CREBBP: variants seen among roughly 807,000 people sequenced by gnomAD.
CREBBP encodes CREB binding lysine acetyltransferase.
A neutral mutation model predicts 265.0 loss-of-function variants in CREBBP; 19 were observed. The ratio of observed to expected loss-of-function variants is 0.07; its 90% CI spans 0.05 to 0.11. The LOEUF is 0.11. Ranked by LOEUF, CREBBP falls within the 10% of genes least tolerant of loss-of-function variation. CREBBP has a pLI of 1.00. For synonymous variants in CREBBP, 1,457 were observed against 1,223.7 expected (o/e 1.19, Z -3.98); for missense variants, 2,525 against 3,219.0 (o/e 0.78, Z 5.22).
intron 17 of CREBBP, 106 bp from the exon 18 acceptor site, chr16:3,758,154 A>G (rs757687321): frequency 4.2e-6 from 5 of 1,182,278 alleles, no homozygotes; most frequent in Non-Finnish European, 6.0e-6. Context: ...AAGCACCAAA[A>G]TAACTTCCAT....
intron 16 of CREBBP, among the ~76,000 whole-genome samples, chr16:3,761,757 G>A (rs922829866): frequency 2.0e-5 from 3 of 152,218 alleles, no homozygotes; most frequent in African/African-American, 7.2e-5. Context: ...TTCACAGTGG[G>A]AAGCGTCGGA....
chr16:3,854,170 G>A (rs890811122), intron 1 of CREBBP, among the ~76,000 whole-genome samples: 8 of 152,064 alleles, frequency 5.3e-5, no homozygotes, highest in South Asian at 4.2e-4. Flanking sequence ...CCACCACCAC[G>A]ATCACGTTCC....
intron 1 of CREBBP, among the ~76,000 whole-genome samples, chr16:3,855,619 A>G (rs2054945293): frequency 6.6e-6 from 1 of 152,156 alleles, no homozygotes; most frequent in Non-Finnish European, 1.5e-5. Context: ...AGGTCCTTCA[A>G]TTTGGGGTAC....
intron 23 of CREBBP, among the ~76,000 whole-genome samples, chr16:3,744,072 C>T (rs753477730): frequency 1.3e-5 from 2 of 151,546 alleles, no homozygotes; most frequent in Non-Finnish European, 2.9e-5. Flanking sequence ...GAGAATGTCT[C>T]AAATTAAAAA....
chr16:3,835,006 A>G (rs896139182), intron 2 of CREBBP, among the ~76,000 whole-genome samples: 1 of 152,034 alleles, frequency 6.6e-6, no homozygotes, highest in Non-Finnish European at 1.5e-5. Context: ...AAAATACAAA[A>G]AATTGGCCGG....
Position 3,806,254 on chromosome 16 carries a change from C to G in CREBBP, c.975+4349G>C, listed in dbSNP as rs1043490217. Among the ~76,000 whole-genome samples the G allele has an allele frequency of 3.9e-5, 6 of 152,326 alleles. No homozygotes were observed. In the South Asian group the frequency reaches 1.0e-3, roughly 26 times the overall value. ...TCTCCCATCCTCCCGTCTACACAGT[C>G]TTCCAGCCACACCACCCTTCCATTC... is the stretch of plus-strand genomic sequence containing the variant. On this transcript the variant is annotated intron_variant, in intron 3 of 30. Transcript: ENST00000262367.
At chr16:3,817,978 C>T (rs1567336718) in intron 2 of CREBBP, among the ~76,000 whole-genome samples, 1 of 152,220 alleles carries the variant, frequency 6.6e-6, no homozygotes, top group Non-Finnish European at 1.5e-5. Context: ...TTCCTCATCT[C>T]ACACAACCCT....
chr16:3,779,075 G>A (rs1028336703), intron 8 of CREBBP, among the ~76,000 whole-genome samples: 9 of 151,754 alleles, frequency 5.9e-5, no homozygotes, highest in African/African-American at 2.2e-4. Flanking sequence ...GCTGAGGCAA[G>A]AGAATTGCTT....
At position 3,850,624 on chromosome 16, in the gene CREBBP, C is replaced by T. The variant is rs750848595; in HGVS notation, c.471G>A (p.Lys157=). The change falls in exon 2 of 31, where the codon AAG becomes AAA. Residue 157 remains lysine, a synonymous_variant. Coordinates refer to ENST00000262367, the MANE Select transcript of CREBBP (RefSeq NM_004380.3). ...ASQALNPQAQ[K]QVGLATSSPA... ...GGCTGCTAGTCGCCAGCCCCACTTG[C>T]TTTTGTGCTTGCGGATTCAGTGCTT... The T allele has an allele frequency of 2.7e-5, 43 of 1,614,086 alleles. No individual in the cohort carries two copies. In the South Asian group the frequency reaches 4.4e-4, roughly 16 times the overall value.
chr16:3,780,241 C>CAAAAA (rs559038927), intron 8 of CREBBP, among the ~76,000 whole-genome samples: 1 of 53,688 alleles, frequency 1.9e-5, no homozygotes, highest in Non-Finnish European at 4.2e-5. Context: ...GACTCTGTCT[C>CAAAAA]AAAAAAAAAA....
rs1301325477 is a variant in CREBBP, at chr16:3,880,708, T to A, written c.-792A>T. 5 of 138,108 alleles carry A rather than the reference T, an allele frequency of 3.6e-5. No individual in the cohort carries two copies. The highest frequency in any genetic ancestry group is 1.3e-4 in the African/African-American group (5 of 37,858). 8.6% of individuals were successfully genotyped at this position (138,108 alleles called of 1,614,324 possible). ...CGACAAGATGGCGGCTGTTGATTCC[T>A]CAATTAAAAAAAAAAGAAAGTTTTT... On this transcript the variant is annotated 5_prime_UTR_variant, in exon 1 of 31. Coordinates refer to ENST00000262367, the MANE Select transcript of CREBBP (RefSeq NM_004380.3).
intron 1 of CREBBP, 115 bp downstream of exon 1, chr16:3,879,717 C>A: frequency 8.9e-7 from 1 of 1,121,618 alleles, no homozygotes. Context: ...GGCTGCGGGG[C>A]CTGCTCCGAG....
intron 2 of CREBBP, among the ~76,000 whole-genome samples, chr16:3,835,867 A>T (rs1217578072): frequency 1.3e-5 from 2 of 151,586 alleles, no homozygotes; most frequent in Non-Finnish European, 2.9e-5. Context: ...GGTGTGAGCC[A>T]CCGCGCCCGG....
intron 2 of CREBBP, among the ~76,000 whole-genome samples, chr16:3,844,361 T>G (rs1036403056): frequency 6.6e-6 from 1 of 152,152 alleles, no homozygotes; most frequent in African/African-American, 2.4e-5. Context: ...TTTGATATTA[T>G]AAAACCTACA....
chr16:3,839,036 CA>C (rs1394715300), intron 2 of CREBBP, among the ~76,000 whole-genome samples: 1 of 152,206 alleles, frequency 6.6e-6, no homozygotes, highest in Non-Finnish European at 1.5e-5. Flanking sequence ...TACACCATCT[CA>C]TTTAATTGGC....
rs879077743 is a variant in CREBBP, at chr16:3,744,901, A to G, written c.3975T>C (p.Ser1325=). Residue 1325 remains serine, a synonymous_variant, in exon 23 of 31, where the codon AGT becomes AGC. Coordinates refer to ENST00000262367, the MANE Select transcript of CREBBP (RefSeq NM_004380.3). ...TGRPRKENKF[S]AKRLQTTRLG... Reference sequence around the variant, plus strand: ...AAGCTTCCCGAAACTTACTCTTAGCACTGAATTTGTTTTCTTTTCGAGGTC... The same window carrying G: ...AAGCTTCCCGAAACTTACTCTTAGCGCTGAATTTGTTTTCTTTTCGAGGTC... 1 of 1,613,610 alleles carries G rather than the reference A, an allele frequency of 6.2e-7. No individual in the cohort carries two copies. The highest frequency in any genetic ancestry group is 8.5e-7 in the Non-Finnish European group (1 of 1,179,516).
intron 10 of CREBBP, 86 bp from the exon 11 acceptor site, chr16:3,777,743 G>C (rs924346156): frequency 1.3e-6 from 2 of 1,508,338 alleles, no homozygotes; most frequent in South Asian, 1.1e-5. Context: ...TTTCTTATTA[G>C]GACTTCAAAC....
Position 3,849,448 on chromosome 16 carries a change from T to TGTG in CREBBP, c.798+846_798+848dup, listed in dbSNP as rs1567360691. 1.4e-3 allele frequency among the ~76,000 whole-genome samples: 73 copies of TGTG among 50,378 alleles called. 1 individual carries two copies. Among genetic ancestry groups the TGTG allele is most frequent in the East Asian group, 5.4e-3 (6 of 1,120 alleles). 33.0% of individuals were successfully genotyped at this position (50,378 alleles called of 152,430 possible). A position where few individuals can be genotyped will look rare whatever the true frequency, so the allele number is the denominator to read the frequency against. On this transcript the variant is annotated intron_variant, in intron 2 of 30. Transcript: ENST00000262367. ...GTGTGTGTGTGTGTGTGTGTGTGTG[T>TGTG]GTGTGTGTGTGTGTGTGTGTGTGTG...
At chr16:3,849,405 GT>G (rs1567359799) in intron 2 of CREBBP, among the ~76,000 whole-genome samples, 2 of 4,608 alleles carry the variant, frequency 4.3e-4, no homozygotes, top group African/African-American at 5.1e-4. Flanking sequence ...GTGTGTGTGT[GT>G]GTGTGTGTGT....
Sources: allele counts gnomAD v4.1 joint callset (sites outside exome capture counted in the v4.1 genomes callset), GRCh38; gene constraint gnomAD v4.1.1; transcripts MANE v1.5; gene names NCBI Gene and HGNC (gene_info 2026-07-23, HGNC 2026-07-21).